ATP6V1H: variants seen among roughly 807,000 people sequenced by gnomAD.
ATP6V1H encodes ATPase H+ transporting V1 subunit H.
A neutral mutation model predicts 71.7 loss-of-function variants in ATP6V1H; 39 were observed. The observed-to-expected ratio is 0.54, with a 90% CI of 0.42 to 0.71. The LOEUF (loss-of-function observed/expected upper bound fraction) is 0.71. Ranked by LOEUF, ATP6V1H falls within the 30% of genes least tolerant of loss-of-function variation. The pLI is 0.00. For missense variants in ATP6V1H, 509 were observed against 594.9 expected (o/e 0.86, Z 1.50); for synonymous variants, 192 against 199.3 (o/e 0.96, Z 0.31).
At chr8:53,809,840 C>T (rs1810215043) in intron 7 of ATP6V1H, among the ~76,000 whole-genome samples, 1 of 152,126 alleles carries the variant, frequency 6.6e-6, no homozygotes, top group Non-Finnish European at 1.5e-5. Flanking sequence ...GATTGAGAAA[C>T]GAGGCTTCTT....
intron 11 of ATP6V1H, among the ~76,000 whole-genome samples, chr8:53,757,740 A>T (rs899061152): frequency 2.0e-5 from 3 of 152,162 alleles, no homozygotes; most frequent in Non-Finnish European, 4.4e-5. Flanking sequence ...TCTCTTGTAT[A>T]AGAGCCCACG....
At chr8:53,738,232 G>C (rs2130162742) in intron 13 of ATP6V1H, among the ~76,000 whole-genome samples, 1 of 151,476 alleles carries the variant, frequency 6.6e-6, no homozygotes, top group East Asian at 1.9e-4. Flanking sequence ...GGGAGGTGGA[G>C]GTTGCAGTGA....
At chr8:53,827,405 T>A (rs1476799791) in intron 4 of ATP6V1H, among the ~76,000 whole-genome samples, 1 of 151,630 alleles carries the variant, frequency 6.6e-6, no homozygotes, top group East Asian at 1.9e-4. Context: ...AAAATAAAAA[T>A]AATAATAATG....
At chr8:53,822,742 A>G (rs996444674) in intron 4 of ATP6V1H, among the ~76,000 whole-genome samples, 10 of 152,126 alleles carry the variant, frequency 6.6e-5, no homozygotes, top group Admixed American at 2.0e-4. Context: ...CCGAATCTAT[A>G]CTGTATACAA....
intron 9 of ATP6V1H, among the ~76,000 whole-genome samples, chr8:53,776,550 G>A (rs1486959825): frequency 6.6e-6 from 1 of 152,234 alleles, no homozygotes; most frequent in African/African-American, 2.4e-5. Flanking sequence ...AGAGAGCTTG[G>A]AGCTGGAGCC....
rs545101310 is a variant in ATP6V1H, at chr8:53,769,584, A to T, written c.1175+34T>A. ...TGTTGGTGAGGATTTGGGATAACAG[A>T]TATTAAGAGTGTAAAGTAGAACAAA... On this transcript the variant is annotated intron_variant, in intron 11 of 13. Coordinates refer to ENST00000359530, the MANE Select transcript of ATP6V1H (RefSeq NM_015941.4). 4.8e-5 allele frequency: 77 copies of T among 1,592,536 alleles called. No homozygotes were observed. In the South Asian group the frequency reaches 7.9e-4, roughly 16 times the overall value.
chr8:53,723,482 CTG>C (rs1337019927), intron 13 of ATP6V1H, among the ~76,000 whole-genome samples: 1 of 152,230 alleles, frequency 6.6e-6, no homozygotes, highest in Non-Finnish European at 1.5e-5. Flanking sequence ...TAAAATGACA[CTG>C]TTATTTTACC....
chr8:53,726,555 G>C (rs540928237), intron 13 of ATP6V1H, among the ~76,000 whole-genome samples: 1 of 152,108 alleles, frequency 6.6e-6, no homozygotes, highest in Admixed American at 6.6e-5. Flanking sequence ...AGGAACTTCA[G>C]AACATTATTT....
intron 11 of ATP6V1H, among the ~76,000 whole-genome samples, chr8:53,763,579 T>G (rs188545762): frequency 3.0e-4 from 46 of 152,216 alleles, no homozygotes; most frequent in Admixed American, 2.9e-3. Context: ...ATTCTAAAAT[T>G]CATATAAAAT....
intron 7 of ATP6V1H, chr8:53,806,844 T>G (rs1230701548): frequency 1.3e-5 from 6 of 454,750 alleles, no homozygotes; most frequent in Admixed American, 1.2e-4. Context: ...CTCGTGTAAT[T>G]TACTGAATAC....
rs757622718 is a variant in ATP6V1H at position 53,811,225 on chromosome 8, G to A, written c.526-8C>T. The A allele has an allele frequency of 1.1e-5, 17 of 1,610,408 alleles. 1 individual carries two copies. The highest frequency in any genetic ancestry group is 3.3e-4 in the Middle Eastern group (2 of 6,032). Reference sequence around the variant, plus strand: ...ACCGCTACCACGCAGTTTCTATTACGAAATAAATAACTCATTATTTAGTTT... The same window carrying A: ...ACCGCTACCACGCAGTTTCTATTACAAAATAAATAACTCATTATTTAGTTT... On this transcript the variant is annotated splice_polypyrimidine_tract_variant and splice_region_variant and intron_variant, in intron 6 of 13. Coordinates refer to ENST00000359530, the MANE Select transcript of ATP6V1H (RefSeq NM_015941.4).
At chr8:53,742,072 C>T (rs1487333741) in intron 13 of ATP6V1H, among the ~76,000 whole-genome samples, 1 of 152,160 alleles carries the variant, frequency 6.6e-6, no homozygotes, top group African/African-American at 2.4e-5. Context: ...TTCAACTCAT[C>T]TTACAGGAGT....
At chr8:53,779,452 C>T (rs1002669291) in intron 9 of ATP6V1H, among the ~76,000 whole-genome samples, 1 of 151,188 alleles carries the variant, frequency 6.6e-6, no homozygotes, top group Non-Finnish European at 1.5e-5. Context: ...ATATATGACA[C>T]TAATATTATT....
chr8:53,744,145 A>G (rs1014684480), intron 12 of ATP6V1H, among the ~76,000 whole-genome samples: 3 of 152,102 alleles, frequency 2.0e-5, no homozygotes, highest in Non-Finnish European at 4.4e-5. Context: ...GATAGCAGGG[A>G]ACAGGGGGTT....
At chr8:53,765,893 A>G (rs1231003008) in intron 11 of ATP6V1H, among the ~76,000 whole-genome samples, 1 of 152,242 alleles carries the variant, frequency 6.6e-6, no homozygotes, top group Non-Finnish European at 1.5e-5. Context: ...AAGATTTACT[A>G]TAAAGCCACA....
intron 9 of ATP6V1H, among the ~76,000 whole-genome samples, chr8:53,788,665 A>C (rs1809460655): frequency 6.6e-6 from 1 of 152,190 alleles, no homozygotes; most frequent in Non-Finnish European, 1.5e-5. Flanking sequence ...CCATAAAGAA[A>C]CTAGCTCTGG....
intron 9 of ATP6V1H, among the ~76,000 whole-genome samples, chr8:53,775,664 T>C (rs1808851862): frequency 6.6e-6 from 1 of 152,168 alleles, no homozygotes; most frequent in Non-Finnish European, 1.5e-5. Flanking sequence ...AACCTTGAGC[T>C]AGACATAAAT....
chr8:53,781,913 T>G (rs986993862), intron 9 of ATP6V1H, among the ~76,000 whole-genome samples: 28 of 152,234 alleles, frequency 1.8e-4, no homozygotes, highest in African/African-American at 6.8e-4. Flanking sequence ...TCTGTTTTGG[T>G]ACCAGTACCA....
chr8:53,798,182 T>TA (rs1809802530), intron 8 of ATP6V1H, among the ~76,000 whole-genome samples: 3 of 152,100 alleles, frequency 2.0e-5, no homozygotes, highest in African/African-American at 7.2e-5. Flanking sequence ...TTAACAACAA[T>TA]AAAAAAGTCA....
Sources: allele counts gnomAD v4.1 joint callset (sites outside exome capture counted in the v4.1 genomes callset), GRCh38; gene constraint gnomAD v4.1.1; transcripts MANE v1.5; gene names NCBI Gene and HGNC (gene_info 2026-07-23, HGNC 2026-07-21).